SLC17A8: variants seen among roughly 807,000 people sequenced by gnomAD.
The protein encoded by SLC17A8 is vesicular glutamate transporter 3.
In SLC17A8, 31 loss-of-function variants were observed where a neutral mutation model predicts 58.0. The ratio of observed to expected loss-of-function variants is 0.53; its 90% CI spans 0.40 to 0.72. SLC17A8 has a LOEUF of 0.72. SLC17A8 is among the 30% of genes least tolerant of loss of function. The pLI is 0.00. For synonymous variants in SLC17A8, 228 were observed against 249.0 expected, an observed-to-expected ratio of 0.92 and a Z score of 0.79; for missense variants, 655 against 727.8, an observed-to-expected ratio of 0.90 and a Z score of 1.15.
intron 6 of SLC17A8, among the ~76,000 whole-genome samples, 165 bp from the exon 7 acceptor site, chr12:100,402,175 G>C (rs1420677444): frequency 1.3e-5 from 2 of 152,066 alleles, no homozygotes; most frequent in Non-Finnish European, 2.9e-5. Context: ...TGTGATAATT[G>C]GGTGTTCACG....
intron 1 of SLC17A8, among the ~76,000 whole-genome samples, chr12:100,371,109 A>T (rs1385803540): frequency 2.0e-5 from 3 of 152,186 alleles, no homozygotes; most frequent in Non-Finnish European, 4.4e-5. Flanking sequence ...AGCTCTGGGG[A>T]TCGTATTTTA....
At chr12:100,395,792 T>C (rs1236042323) in intron 4 of SLC17A8, among the ~76,000 whole-genome samples, 1 of 152,100 alleles carries the variant, frequency 6.6e-6, no homozygotes, top group Non-Finnish European at 1.5e-5. Flanking sequence ...TTTGTATTTT[T>C]AGTAGAGATG....
intron 1 of SLC17A8, among the ~76,000 whole-genome samples, chr12:100,377,585 A>ATATATATATT (rs1366447682): frequency 2.4e-5 from 2 of 84,036 alleles, no homozygotes; most frequent in African/African-American, 9.8e-5. Flanking sequence ...ATATATATAT[A>ATATATATATT]TTTTTTTTTT....
chr12:100,409,754 C>A (rs1033393226), intron 9 of SLC17A8, among the ~76,000 whole-genome samples: 4 of 151,924 alleles, frequency 2.6e-5, no homozygotes, highest in African/African-American at 9.7e-5. Flanking sequence ...AAGAGTATCC[C>A]AGGTAAAGAA....
chr12:100,411,018 A>C (rs1162768308), intron 9 of SLC17A8, among the ~76,000 whole-genome samples: 2 of 152,246 alleles, frequency 1.3e-5, no homozygotes, highest in African/African-American at 4.8e-5. Context: ...TCACAAAATT[A>C]GTGATTTTGA....
chr12:100,359,681 T>A (rs1263361444), intron 1 of SLC17A8, among the ~76,000 whole-genome samples: 1 of 152,176 alleles, frequency 6.6e-6, no homozygotes, highest in Non-Finnish European at 1.5e-5. Flanking sequence ...TGAGCGGTGA[T>A]CCAAGTTGAT....
chr12:100,395,066 C>T (rs898823896), intron 4 of SLC17A8, among the ~76,000 whole-genome samples: 2 of 151,952 alleles, frequency 1.3e-5, no homozygotes, highest in African/African-American at 4.8e-5. Flanking sequence ...AGCCCTGAGT[C>T]TCAGGTTCTG....
At chr12:100,406,538 A>ATTT (rs142080424) in intron 9 of SLC17A8, among the ~76,000 whole-genome samples, 3 of 142,138 alleles carry the variant, frequency 2.1e-5, no homozygotes, top group Admixed American at 7.1e-5. Context: ...ATATGATCTC[A>ATTT]TTTTTTTTTT....
chr12:100,402,650 A>T lies in SLC17A8; in HGVS notation c.958A>T (p.Ile320Phe). 1.2e-6 allele frequency: 2 copies of T among 1,614,066 alleles called. No individual in the cohort carries two copies. The highest frequency in any genetic ancestry group is 8.5e-7 in the Non-Finnish European group (1 of 1,180,012). ...FFTSLPVYAI[I>F]VANFCRSWTF... The stretch of plus-strand genomic sequence containing the variant: ...CACATCTTTGCCGGTTTATGCAATC[A>T]TTGTGGCAAATTTTTGCAGAAGCTG... The change falls in exon 8 of 12, where the codon ATT becomes TTT. Residue 320 changes from isoleucine to phenylalanine, a missense_variant. Physicochemically the swap from Ile to Phe is conservative, Grantham distance 21 (BLOSUM62 0). Transcript: ENST00000323346.
chr12:100,401,609 C>T lies in SLC17A8; in HGVS notation c.677-168C>T, dbSNP rs146801281. On this transcript the variant is annotated intron_variant, in intron 5 of 11. Transcript: ENST00000323346. ...AGGGCATCTTGGTGACCTTCCTCTC[C>T]TGGAAGCCCTGTTCTGTGGCACACT... 1.7e-3 allele frequency among the ~76,000 whole-genome samples: 264 copies of T among 152,262 alleles called. 1 individual carries two copies. Among genetic ancestry groups the T allele is most frequent in the African/African-American group, 6.1e-3 (254 of 41,552 alleles).
intron 1 of SLC17A8, among the ~76,000 whole-genome samples, chr12:100,373,333 A>G (rs1447458068): frequency 3.3e-5 from 5 of 151,460 alleles, no homozygotes; most frequent in Non-Finnish European, 2.9e-5. Context: ...TTATTCTTAA[A>G]TAACTTTCTC....
intron 5 of SLC17A8, among the ~76,000 whole-genome samples, chr12:100,401,148 C>T (rs1023853171): frequency 4.6e-5 from 7 of 151,824 alleles, no homozygotes; most frequent in African/African-American, 1.7e-4. Flanking sequence ...CAGGCACGCG[C>T]CACCATGCCA....
chr12:100,380,770 G>A lies in SLC17A8; in HGVS notation c.171G>A (p.Thr57=), dbSNP rs11110359. The part of the protein sequence containing the change: ...ELNEEGRPVQ[T]SRPSPPLCDC... The stretch of plus-strand genomic sequence containing the variant: ...ATGAAGAAGGAAGGCCGGTGCAGAC[G>A]TCCAGGCCAAGCCCCCCACTCTGCG... The change falls in exon 2 of 12, where the codon ACG becomes ACA. Residue 57 remains threonine, a synonymous_variant. Coordinates refer to ENST00000323346, the MANE Select transcript of SLC17A8 (RefSeq NM_139319.3). 5.1e-3 allele frequency: 8,279 copies of A among 1,614,034 alleles called. 446 individuals are homozygous for A. The East Asian group carries it at 0.13, about 26-fold the overall frequency.
At chr12:100,370,612 T>TAAAAAAAAAAAAAA (rs61103377) in intron 1 of SLC17A8, among the ~76,000 whole-genome samples, 1 of 127,180 alleles carries the variant, frequency 7.9e-6, no homozygotes, top group African/African-American at 2.8e-5. Context: ...ATCTAAATTC[T>TAAAAAAAAAAAAAA]AAAAAAAAAA....
At chr12:100,384,961 C>A (rs1952662694) in intron 2 of SLC17A8, among the ~76,000 whole-genome samples, 1 of 152,162 alleles carries the variant, frequency 6.6e-6, no homozygotes, top group Admixed American at 6.5e-5. Context: ...TCTCACTGCC[C>A]TCCACAGTGG....
intron 9 of SLC17A8, among the ~76,000 whole-genome samples, chr12:100,409,274 C>T (rs1952849847): frequency 6.6e-6 from 1 of 152,116 alleles, no homozygotes; most frequent in African/African-American, 2.4e-5. Flanking sequence ...CAACCTCCAC[C>T]TCCCGGTTTC....
rs761332002 is a variant in SLC17A8 at position 100,412,919 on chromosome 12, T to C, written c.1297+39T>C. 4.1e-6 allele frequency: 6 copies of C among 1,465,282 alleles called. No homozygotes were observed. In the Admixed American group the frequency reaches 6.7e-5, roughly 16 times the overall value. The allele number at this position is 1,465,282 out of a possible 1,614,324, so 90.8% of individuals were successfully genotyped here. A position where few individuals can be genotyped will look rare whatever the true frequency, so the allele number is the denominator to read the frequency against. ...TGGGTTTCCAGATCTTGACTATAGA[T>C]TCAACAAGTCCCAGGAAGAAGGAAG... On this transcript the variant is annotated intron_variant, in intron 10 of 11. Coordinates refer to ENST00000323346, the MANE Select transcript of SLC17A8 (RefSeq NM_139319.3).
At chr12:100,369,211 C>T (rs765546507) in intron 1 of SLC17A8, among the ~76,000 whole-genome samples, 12 of 152,188 alleles carry the variant, frequency 7.9e-5, no homozygotes, top group Non-Finnish European at 1.5e-4. Context: ...AGGAGGCAGA[C>T]GTTGCAGTGA....
At chr12:100,368,771 A>C (rs1325468333) in intron 1 of SLC17A8, among the ~76,000 whole-genome samples, 1 of 152,200 alleles carries the variant, frequency 6.6e-6, no homozygotes, top group Non-Finnish European at 1.5e-5. Context: ...CAAATTTTCT[A>C]AGTGCTTCTT....
Sources: allele counts gnomAD v4.1 joint callset (sites outside exome capture counted in the v4.1 genomes callset), GRCh38; gene constraint gnomAD v4.1.1; transcripts MANE v1.5; gene names NCBI Gene and HGNC (gene_info 2026-07-23, HGNC 2026-07-21).